PCDHAC2: variants seen among roughly 807,000 people sequenced by gnomAD.
PCDHAC2 encodes the protein protocadherin alpha-C2.
In PCDHAC2, 24 loss-of-function variants were observed where a neutral mutation model predicts 63.3. The observed-to-expected ratio is 0.38, with a 90% confidence interval of 0.27 to 0.53. The LOEUF (loss-of-function observed/expected upper bound fraction) is 0.53. Ranked by LOEUF, PCDHAC2 falls within the 20% of genes least tolerant of loss-of-function variation. The probability of loss-of-function intolerance (pLI) is 0.81; values close to 1 mark genes in which losing one functional copy is unlikely to be tolerated. For missense variants in PCDHAC2, 1,181 were observed against 1,275.2 expected, an observed-to-expected ratio of 0.93 and a Z score of 1.12; for synonymous variants, 569 against 529.4, an observed-to-expected ratio of 1.07 and a Z score of -1.03.
At chr5:140,994,197 G>A (rs1449482897) in intron 3 of PCDHAC2, among the ~76,000 whole-genome samples, 1 of 152,196 alleles carries the variant, frequency 6.6e-6, no homozygotes. Context: ...GGGCCTGTTG[G>A]TCCAGAATGG....
Position 140,967,845 on chromosome 5 carries a change from A to T in PCDHAC2, c.1079A>T (p.Asp360Val). ...KVLVDIVDVN[D>V]NAPEVVLTDL... ...CTGGTGGACATCGTGGACGTGAATG[A>T]CAATGCCCCAGAGGTGGTGCTCACG... Residue 360 changes from aspartate to valine, a missense_variant, in exon 1 of 4, where the codon GAC becomes GTC. Around this residue, in one of 3 missense-constraint regions of PCDHAC2, gnomAD observed 968 missense variants for 1,073.5 expected, o/e 0.90. Transcript: ENST00000289269. The T allele has an allele frequency of 6.2e-7, 1 of 1,614,160 alleles. No individual in the cohort carries two copies. Among genetic ancestry groups the T allele is most frequent in the Non-Finnish European group, 8.5e-7 (1 of 1,180,034 alleles).
At chr5:140,991,481 A>G (rs1272675537) in intron 3 of PCDHAC2, among the ~76,000 whole-genome samples, 3 of 152,226 alleles carry the variant, frequency 2.0e-5, no homozygotes, top group Non-Finnish European at 2.9e-5. Flanking sequence ...TCTGGAAGTC[A>G]GAAGTCCACA....
chr5:140,978,890 A>G (rs2096827624), intron 1 of PCDHAC2, 59 bp from the exon 2 acceptor site: 1 of 1,612,616 alleles, frequency 6.2e-7, no homozygotes. Context: ...AATTAGCAGC[A>G]TTCCTGGGAG....
rs536794003 is a variant in PCDHAC2, at chr5:140,982,215, G to A, written c.2625-260G>A. Reference sequence around the variant, plus strand: ...CTGTTAGATTTAGTGAGCGCCACATGGCGTTAATAAAAAACAGAATTGCCA... The same window carrying A: ...CTGTTAGATTTAGTGAGCGCCACATAGCGTTAATAAAAAACAGAATTGCCA... On this transcript the variant is annotated intron_variant, in intron 2 of 3. Coordinates refer to ENST00000289269, the MANE Select transcript of PCDHAC2 (RefSeq NM_018899.6). The A allele has an allele frequency of 2.0e-5, 10 of 491,624 alleles. No individual in the cohort carries two copies. In the South Asian group the frequency reaches 3.6e-4, roughly 18 times the overall value. The allele number at this position is 491,624 out of a possible 1,614,324, so 30.5% of individuals were successfully genotyped here. A position where few individuals can be genotyped will look rare whatever the true frequency, so the allele number is the denominator to read the frequency against.
chr5:140,998,042 C>T (rs187874119), intron 3 of PCDHAC2, among the ~76,000 whole-genome samples: 21 of 152,284 alleles, frequency 1.4e-4, no homozygotes, highest in Non-Finnish European at 2.2e-4. Flanking sequence ...TGTCACTTAA[C>T]TCAGTGACAT....
At position 140,967,327 on chromosome 5, in the gene PCDHAC2, C is replaced by T. The variant is rs2096128034; in HGVS notation, c.561C>T (p.Leu187=). Residue 187 remains leucine, a synonymous_variant, in exon 1 of 4, where the codon CTC becomes CTT. Transcript: ENST00000289269. ...CCAACTCAGTACAGACCTACGAGCTCAGCCCCAGCGAGCACTTCGAGCTGG... is the reference window on the plus strand; with the variant it reads ...CCAACTCAGTACAGACCTACGAGCTTAGCCCCAGCGAGCACTTCGAGCTGG... ...VGANSVQTYE[L]SPSEHFELDL... 2 of 1,608,656 alleles carry T rather than the reference C, an allele frequency of 1.2e-6. No homozygotes were observed. Among genetic ancestry groups the T allele is most frequent in the Admixed American group, 1.7e-5 (1 of 59,672 alleles).
At position 141,011,086 on chromosome 5, in the gene PCDHAC2, C is replaced by T. The variant is rs1181884726; in HGVS notation, c.*1149C>T. The T allele has an allele frequency of 2.6e-5, 4 of 153,678 alleles. No homozygotes were observed. Among genetic ancestry groups the T allele is most frequent in the African/African-American group, 9.7e-5 (4 of 41,430 alleles). The allele number at this position is 153,678 out of a possible 1,614,324, so 9.5% of individuals were successfully genotyped here. On this transcript the variant is annotated 3_prime_UTR_variant, in exon 4 of 4. Coordinates refer to ENST00000289269, the MANE Select transcript of PCDHAC2 (RefSeq NM_018899.6). ...TGTATTACTAAATAAAATGATCTCT[C>T]TTTCTCTCTCTCTCTCTCTTTTCTA...
Position 140,967,204 on chromosome 5 carries a change from G to C in PCDHAC2, c.438G>C (p.Pro146=). Residue 146 remains proline (P), a synonymous_variant, in exon 1 of 4, where the codon CCG becomes CCC. Coordinates refer to ENST00000289269, the MANE Select transcript of PCDHAC2 (RefSeq NM_018899.6). ...TATTGGACATCAACGACAACTCACC[G>C]CGTTTCCCGCGGCCCAACTACCAGC... ...VEILDINDNS[P]RFPRPNYQLQ... The C allele has an allele frequency of 6.2e-6, 10 of 1,613,634 alleles. No homozygotes were observed. The highest frequency in any genetic ancestry group is 8.5e-6 in the Non-Finnish European group (10 of 1,179,834).
At chr5:140,990,318 A>C (rs2097387548) in intron 3 of PCDHAC2, among the ~76,000 whole-genome samples, 1 of 152,054 alleles carries the variant, frequency 6.6e-6, no homozygotes, top group Admixed American at 6.5e-5. Context: ...AACCAACCAA[A>C]CAAACTTTAA....
chr5:140,966,968 G>T lies in PCDHAC2; in HGVS notation c.202G>T (p.Glu68Ter). The change falls in exon 1 of 4, where the codon GAG (glutamate) becomes TAG (stop). Residue 68 changes from glutamate (E) to a stop codon, truncating the protein, a stop_gained. Coordinates refer to ENST00000289269, the MANE Select transcript of PCDHAC2 (RefSeq NM_018899.6). LOFTEE classifies it high-confidence loss of function. ...VGNVARALGL[E>*]LRRLGPGCLR... is the part of the protein sequence containing the mutation. ...CAACGTGGCTCGCGCGCTGGGGCTT[G>T]AGCTGCGGCGCTTGGGGCCGGGTTG... 1 of 1,602,616 alleles carries T rather than the reference G, an allele frequency of 6.2e-7. No individual in the cohort carries two copies.
chr5:140,999,764 T>G (rs1587850651), intron 3 of PCDHAC2, among the ~76,000 whole-genome samples: 1 of 152,284 alleles, frequency 6.6e-6, no homozygotes, highest in East Asian at 1.9e-4. Flanking sequence ...CATGATGTCT[T>G]TATACTCTTA....
At position 140,968,659 on chromosome 5, in the gene PCDHAC2, C is replaced by T; in HGVS notation, c.1893C>T (p.Asp631=). The change falls in exon 1 of 4, where the codon GAC becomes GAT. Residue 631 remains aspartate (D), a synonymous_variant. Coordinates refer to ENST00000289269, the MANE Select transcript of PCDHAC2 (RefSeq NM_018899.6). ...ATCTAGCCCAGACTTCTGACCTGGACCTCTTTAAGGTAGAGCTGCACACAG... is the reference window on the plus strand; with the variant it reads ...ATCTAGCCCAGACTTCTGACCTGGATCTCTTTAAGGTAGAGCTGCACACAG... ...FYHLAQTSDL[D]LFKVELHTGE... 1 of 1,614,160 alleles carries T rather than the reference C, an allele frequency of 6.2e-7. No homozygotes were observed. Among genetic ancestry groups the T allele is most frequent in the East Asian group, 2.2e-5 (1 of 44,870 alleles).
Position 140,966,750 on chromosome 5 carries a change from C to T in PCDHAC2, c.-17C>T. The T allele has an allele frequency of 7.0e-7, 1 of 1,428,438 alleles. No homozygotes were observed. The highest frequency in any genetic ancestry group is 1.5e-5 in the African/African-American group (1 of 67,698). 88.5% of individuals were successfully genotyped at this position (1,428,438 alleles called of 1,614,324 possible). A position where few individuals can be genotyped will look rare whatever the true frequency, so the allele number is the denominator to read the frequency against. On this transcript the variant is annotated 5_prime_UTR_variant, in exon 1 of 4. Coordinates refer to ENST00000289269, the MANE Select transcript of PCDHAC2 (RefSeq NM_018899.6). ...GCCTCCGGCCCTGCCCGGCTGCCTC[C>T]GCCGCGGCCAGTGGCTATGGAGCAG...
chr5:140,972,406 A>T (rs75214457), intron 1 of PCDHAC2, among the ~76,000 whole-genome samples: 3,555 of 151,374 alleles, frequency 0.023, 73 homozygotes, highest in Middle Eastern at 0.055. Flanking sequence ...CTATTGGCAA[A>T]CCCTGTTAAG....
At chr5:141,001,223 A>G (rs1349302343) in intron 3 of PCDHAC2, among the ~76,000 whole-genome samples, 6 of 152,228 alleles carry the variant, frequency 3.9e-5, no homozygotes, top group Non-Finnish European at 8.8e-5. Context: ...AAGGATAGTT[A>G]CATTTAATCT....
chr5:140,993,449 C>T (rs2097557237), intron 3 of PCDHAC2, among the ~76,000 whole-genome samples: 1 of 144,318 alleles, frequency 6.9e-6, no homozygotes, highest in Non-Finnish European at 1.5e-5. Context: ...TTCCTGTTCT[C>T]CTTCTTTCTT....
Position 140,979,012 on chromosome 5 carries a change from G to A in PCDHAC2, c.2624+5G>A, listed in dbSNP as rs2096831231. The A allele has an allele frequency of 1.9e-6, 3 of 1,613,794 alleles. No individual in the cohort carries two copies. Among genetic ancestry groups the A allele is most frequent in the African/African-American group, 2.7e-5 (2 of 74,926 alleles). ...CCTGAGAGCAGGCATGCACAGGTAT[G>A]TATTTCCCTCCTCATTCACTCAGAA... On this transcript the variant is annotated splice_donor_5th_base_variant and intron_variant, in intron 2 of 3. Coordinates refer to ENST00000289269, the MANE Select transcript of PCDHAC2 (RefSeq NM_018899.6).
intron 2 of PCDHAC2, among the ~76,000 whole-genome samples, chr5:140,981,165 T>C (rs1411910974): frequency 6.6e-6 from 1 of 152,250 alleles, no homozygotes; most frequent in Non-Finnish European, 1.5e-5. Flanking sequence ...ATATGTTGCC[T>C]TCCCTCTAAT....
chr5:140,969,506 G>T, intron 1 of PCDHAC2, 175 bp downstream of exon 1: 1 of 1,427,058 alleles, frequency 7.0e-7, no homozygotes, highest in Non-Finnish European at 9.3e-7. Flanking sequence ...TAGAAAAATA[G>T]CACTAAAGAA....
Sources: gnomAD v4.1 joint callset for allele counts (sites outside exome capture counted in the v4.1 genomes callset) on GRCh38, gnomAD v4.1.1 for gene constraint, gnomAD v4.1.1 regional missense constraint, MANE v1.5 for transcripts, NCBI Gene and HGNC (gene_info 2026-07-23, HGNC 2026-07-21) for gene names.